Variants in TENM3 observed in about 807,000 individuals in gnomAD.
TENM3 encodes the protein teneurin-3.
Under a neutral mutation model 255.1 loss-of-function variants are expected in TENM3, and 63 were observed. That is an observed-to-expected ratio of 0.25 (90% confidence interval 0.20 to 0.30). The LOEUF (loss-of-function observed/expected upper bound fraction) is 0.30. TENM3 is among the 10% of genes least tolerant of loss of function. The pLI is 1.00. For synonymous variants in TENM3, 1,306 were observed against 1,322.3 expected (o/e 0.99, Z 0.27); for missense variants, 2,929 against 3,461.1 (o/e 0.85, Z 3.86).
At chr4:182,726,635 G>A (rs1760206846) in intron 13 of TENM3, among the ~76,000 whole-genome samples, 1 of 149,922 alleles carries the variant, frequency 6.7e-6, no homozygotes, top group Non-Finnish European at 1.5e-5. Context: ...GGCCTGAGAG[G>A]TGGGGAAGGC....
At chr4:181,490,968 A>T in the TENM3 span, among the ~76,000 whole-genome samples, 1 of 152,154 alleles carries the variant, frequency 6.6e-6, no homozygotes, top group African/African-American at 2.4e-5. Context: ...TGCATTTTGT[A>T]TTTTAAAAAA....
chr4:181,886,676 G>A, the TENM3 span, among the ~76,000 whole-genome samples: 1 of 151,858 alleles, frequency 6.6e-6, no homozygotes, highest in Non-Finnish European at 1.5e-5. Context: ...AAATCTCTTA[G>A]GTTTTTTTCT....
Position 182,467,918 on chromosome 4 carries a change from G to C in TENM3, c.511+120989G>C, listed in dbSNP as rs76723727. On this transcript the variant is annotated intron_variant, in intron 3 of 27. Transcript: ENST00000511685. Reference sequence around the variant, plus strand: ...AGGGACTTCAATCTGATATTTTGTAGTGTTTGTAAATGGGTGTCATCTACT... The same window carrying C: ...AGGGACTTCAATCTGATATTTTGTACTGTTTGTAAATGGGTGTCATCTACT... Among the ~76,000 whole-genome samples the C allele has an allele frequency of 3.9e-3, 587 of 152,240 alleles. 3 individuals are homozygous for C. The highest frequency in any genetic ancestry group is 0.013 in the African/African-American group (553 of 41,548).
chr4:182,547,836 A>G (rs1442758570), intron 3 of TENM3, among the ~76,000 whole-genome samples: 3 of 152,196 alleles, frequency 2.0e-5, no homozygotes, highest in Non-Finnish European at 4.4e-5. Context: ...CACTACAGAT[A>G]TTAAGGCATG....
At chr4:182,272,628 C>T (rs1048516934) in intron 1 of TENM3, among the ~76,000 whole-genome samples, 3 of 152,178 alleles carry the variant, frequency 2.0e-5, no homozygotes, top group Admixed American at 6.5e-5. Context: ...ACACGACACT[C>T]AAGTAATGGT....
intron 4 of TENM3, among the ~76,000 whole-genome samples, chr4:182,623,133 C>T (rs1750456801): frequency 6.6e-6 from 1 of 151,772 alleles, no homozygotes; most frequent in Admixed American, 6.6e-5. Context: ...GCCTCAGCCT[C>T]CCGAGTAGCT....
At chr4:182,472,940 C>T (rs2151463021) in intron 3 of TENM3, among the ~76,000 whole-genome samples, 1 of 152,194 alleles carries the variant, frequency 6.6e-6, no homozygotes, top group East Asian at 1.9e-4. Context: ...TCAGGCTGGT[C>T]TGGAACTGCT....
At chr4:182,008,486 T>G in the TENM3 span, among the ~76,000 whole-genome samples, 1 of 151,932 alleles carries the variant, frequency 6.6e-6, no homozygotes, top group South Asian at 2.1e-4. Context: ...AGGAAGCTGG[T>G]CTTCAAACTC....
At chr4:181,566,891 C>T in the TENM3 span, among the ~76,000 whole-genome samples, 1 of 152,184 alleles carries the variant, frequency 6.6e-6, no homozygotes, top group Non-Finnish European at 1.5e-5. Flanking sequence ...GGCGAAGCTG[C>T]CTAAGACCAG....
chr4:182,242,083 TAC>T (rs1425891921), upstream of TENM3, among the ~76,000 whole-genome samples: 1 of 61,108 alleles, frequency 1.6e-5, no homozygotes, highest in Non-Finnish European at 2.9e-5. Context: ...GCAGGTTTGT[TAC>T]ATATATATAC....
chr4:181,455,968 G>A, the TENM3 span, among the ~76,000 whole-genome samples: 1 of 151,790 alleles, frequency 6.6e-6, no homozygotes, highest in African/African-American at 2.4e-5. Flanking sequence ...CACTGAGAAT[G>A]TCTCTTAACC....
At chr4:181,483,359 A>G in the TENM3 span, among the ~76,000 whole-genome samples, 2 of 152,142 alleles carry the variant, frequency 1.3e-5, no homozygotes, top group Admixed American at 1.3e-4. Context: ...CTATGATGCT[A>G]ATTGAGCGAA....
At chr4:181,496,637 G>A in the TENM3 span, among the ~76,000 whole-genome samples, 26 of 152,058 alleles carry the variant, frequency 1.7e-4, no homozygotes, top group African/African-American at 2.4e-4. Flanking sequence ...AACACATTTC[G>A]TTAGCATCGA....
At chr4:182,216,819 A>G (rs1390804057) in intron 1 of TENM3, among the ~76,000 whole-genome samples, 4 of 152,136 alleles carry the variant, frequency 2.6e-5, no homozygotes, top group Admixed American at 1.3e-4. Flanking sequence ...CAATGCTGAC[A>G]TACTTCAAAT....
At chr4:182,567,869 G>T (rs1357513874) in intron 3 of TENM3, among the ~76,000 whole-genome samples, 1 of 149,150 alleles carries the variant, frequency 6.7e-6, no homozygotes, top group African/African-American at 2.5e-5. Context: ...ACAGAAATAG[G>T]CTCTGTTTTG....
At chr4:182,227,610 T>C (rs1431247003) in intron 1 of TENM3, among the ~76,000 whole-genome samples, 1 of 151,998 alleles carries the variant, frequency 6.6e-6, no homozygotes, top group Admixed American at 6.6e-5. Flanking sequence ...TTTAGTCTAA[T>C]TTTTTTCTTC....
Position 182,399,181 on chromosome 4 carries a change from C to T in TENM3, c.511+52252C>T, listed in dbSNP as rs1769059168. ...TAAAGGAATTAGCAGACCTCAAATG[C>T]CCGGTTCACACCTTGGCTAAACTAT... On this transcript the variant is annotated intron_variant, in intron 3 of 27. Coordinates refer to ENST00000511685, the MANE Select transcript of TENM3 (RefSeq NM_001080477.4). Among the ~76,000 whole-genome samples, 2 of 152,134 alleles carry T rather than the reference C, an allele frequency of 1.3e-5. 1 individual carries two copies. Among genetic ancestry groups the T allele is most frequent in the African/African-American group, 4.8e-5 (2 of 41,416 alleles).
chr4:182,049,911 G>A, the TENM3 span, among the ~76,000 whole-genome samples: 1 of 152,144 alleles, frequency 6.6e-6, no homozygotes, highest in Admixed American at 6.5e-5. Flanking sequence ...GCATTGGCCT[G>A]TAGTTGAGAA....
chr4:182,612,978 C>T (rs890245035), intron 4 of TENM3, among the ~76,000 whole-genome samples: 1 of 152,152 alleles, frequency 6.6e-6, no homozygotes, highest in African/African-American at 2.4e-5. Flanking sequence ...ACTCTTACCG[C>T]CGGAAATTCT....
Sources: gnomAD v4.1 joint callset for allele counts (sites outside exome capture counted in the v4.1 genomes callset) on GRCh38, gnomAD v4.1.1 for gene constraint, MANE v1.5 for transcripts, NCBI Gene and HGNC (gene_info 2026-07-23, HGNC 2026-07-21) for gene names.